FRMD3: variants seen among roughly 807,000 people sequenced by gnomAD.
FRMD3 encodes FERM domain containing 3.
FRMD3 carries 33 observed loss-of-function variants against 70.2 expected under a neutral mutation model. The observed-to-expected ratio is 0.47, with a 90% CI of 0.36 to 0.63. The LOEUF (loss-of-function observed/expected upper bound fraction) is 0.63, where lower values mean the gene tolerates loss of function less well. Ranked by LOEUF, FRMD3 falls within the 20% of genes least tolerant of loss-of-function variation. The pLI, the probability that FRMD3 is intolerant of heterozygous loss-of-function variation, is 0.00. For synonymous variants in FRMD3, 279 were observed against 255.9 expected (o/e 1.09, Z -0.86); for missense variants, 632 against 711.4 (o/e 0.89, Z 1.27).
chr9:83,248,655 A>G, intron 13 of FRMD3, 139 bp from the exon 14 acceptor site: 1 of 946,772 alleles, frequency 1.1e-6, no homozygotes, highest in East Asian at 2.6e-5. Context: ...AAGTTGTAAC[A>G]AAGTCGTATT....
intron 1 of FRMD3, among the ~76,000 whole-genome samples, chr9:83,503,614 G>A (rs1829121067): frequency 2.0e-5 from 3 of 152,230 alleles, no homozygotes; most frequent in Non-Finnish European, 4.4e-5. Context: ...CTAGACACCA[G>A]TCTAGGTCTA....
At chr9:83,408,199 T>C (rs1198236064) in intron 1 of FRMD3, among the ~76,000 whole-genome samples, 1 of 152,220 alleles carries the variant, frequency 6.6e-6, no homozygotes, top group Non-Finnish European at 1.5e-5. Context: ...AAAGAATGTA[T>C]GGCTATCTTT....
chr9:83,575,721 A>C, the FRMD3 span, among the ~76,000 whole-genome samples: 1 of 152,244 alleles, frequency 6.6e-6, no homozygotes, highest in Admixed American at 6.5e-5. Flanking sequence ...ACAAATCTGA[A>C]TAAACCTATA....
At chr9:83,260,027 CA>C (rs1221458781) in intron 13 of FRMD3, among the ~76,000 whole-genome samples, 1 of 152,124 alleles carries the variant, frequency 6.6e-6, no homozygotes, top group Non-Finnish European at 1.5e-5. Context: ...CAACATTAGG[CA>C]TGCCACTTCA....
intron 3 of FRMD3, 112 bp from the exon 4 acceptor site, chr9:83,349,869 C>G: frequency 1.5e-6 from 1 of 681,198 alleles, no homozygotes; most frequent in East Asian, 2.9e-5. Flanking sequence ...GAGTGGGGGC[C>G]AGGAGGGGGT....
intron 1 of FRMD3, among the ~76,000 whole-genome samples, chr9:83,483,786 A>G (rs1173948172): frequency 2.0e-5 from 3 of 152,102 alleles, no homozygotes; most frequent in African/African-American, 7.2e-5. Flanking sequence ...CTTGAGCCCA[A>G]GAAGTTGAGA....
intron 6 of FRMD3, among the ~76,000 whole-genome samples, chr9:83,330,232 C>T (rs558746657): frequency 6.6e-6 from 1 of 151,762 alleles, no homozygotes; most frequent in East Asian, 1.9e-4. Flanking sequence ...GGCAGGGTGG[C>T]GCATGCCTGT....
intron 1 of FRMD3, among the ~76,000 whole-genome samples, chr9:83,443,356 G>A (rs990412318): frequency 7.2e-5 from 11 of 152,104 alleles, no homozygotes; most frequent in African/African-American, 1.2e-4. Flanking sequence ...TGTTCTCATT[G>A]TTCAATTCCC....
chr9:83,543,330 G>A (rs774120202), upstream of FRMD3, among the ~76,000 whole-genome samples: 2 of 152,012 alleles, frequency 1.3e-5, no homozygotes, highest in African/African-American at 2.4e-5. Context: ...GGGTAAGTGG[G>A]GATGTTTTGG....
At chr9:83,264,385 A>G (rs976821485) in intron 13 of FRMD3, among the ~76,000 whole-genome samples, 1 of 152,224 alleles carries the variant, frequency 6.6e-6, no homozygotes, top group African/African-American at 2.4e-5. Context: ...AGGGGTAGAT[A>G]CATGCCATTA....
At chr9:83,493,185 G>T (rs1400168935) in intron 1 of FRMD3, among the ~76,000 whole-genome samples, 1 of 152,138 alleles carries the variant, frequency 6.6e-6, no homozygotes, top group African/African-American at 2.4e-5. Context: ...AGTTGGAAGG[G>T]AGGAGGGAGC....
At chr9:83,297,186 G>A (rs950041342) in intron 12 of FRMD3, among the ~76,000 whole-genome samples, 1 of 152,168 alleles carries the variant, frequency 6.6e-6, no homozygotes, top group Non-Finnish European at 1.5e-5. Flanking sequence ...TGCAAAAAAA[G>A]TGTCCTGCTT....
At chr9:83,390,977 T>C (rs1282454966) in intron 1 of FRMD3, among the ~76,000 whole-genome samples, 3 of 152,022 alleles carry the variant, frequency 2.0e-5, no homozygotes, top group African/African-American at 7.3e-5. Flanking sequence ...ACTCAAGACC[T>C]TGAGAGAAAA....
intron 1 of FRMD3, among the ~76,000 whole-genome samples, chr9:83,399,342 C>G (rs1237574074): frequency 6.6e-6 from 1 of 152,152 alleles, no homozygotes; most frequent in African/African-American, 2.4e-5. Flanking sequence ...CTAAAAGATG[C>G]CTTGTGTATC....
chr9:83,267,988 TAG>T (rs371078569), intron 13 of FRMD3, among the ~76,000 whole-genome samples: 40 of 152,250 alleles, frequency 2.6e-4, no homozygotes, highest in Admixed American at 5.9e-4. Flanking sequence ...AACGACAACT[TAG>T]AGAGAGTAAC....
intron 1 of FRMD3, among the ~76,000 whole-genome samples, chr9:83,520,505 G>A (rs1165874371): frequency 6.6e-6 from 1 of 152,130 alleles, no homozygotes; most frequent in East Asian, 1.9e-4. Flanking sequence ...TGTCCAGTGT[G>A]GTAGCCACTA....
At chr9:83,522,697 G>A (rs1248130835) in intron 1 of FRMD3, among the ~76,000 whole-genome samples, 1 of 151,516 alleles carries the variant, frequency 6.6e-6, no homozygotes, top group African/African-American at 2.4e-5. Flanking sequence ...CCGAGTAGCT[G>A]GGACTACAGG....
chr9:83,389,462 C>T, intron 2 of FRMD3, 142 bp downstream of exon 2: 1 of 640,666 alleles, frequency 1.6e-6, no homozygotes, highest in East Asian at 2.7e-5. Flanking sequence ...ACAATGCCAG[C>T]CTCTTCTGCT....
intron 2 of FRMD3, 27 bp from the exon 3 acceptor site, chr9:83,372,982 GATCAGGGGTCA>G: frequency 6.3e-7 from 1 of 1,592,902 alleles, no homozygotes; most frequent in Non-Finnish European, 8.6e-7. Flanking sequence ...AAAAAGCAGA[GATCAGGGGTCA>G]AATTGCTGGA....
Sources: gnomAD v4.1 joint callset for allele counts (sites outside exome capture counted in the v4.1 genomes callset) on GRCh38, gnomAD v4.1.1 for gene constraint, MANE v1.5 for transcripts, NCBI Gene and HGNC (gene_info 2026-07-23, HGNC 2026-07-21) for gene names.